ZNF385B: variants seen among roughly 807,000 people sequenced by gnomAD.
The protein encoded by ZNF385B is zinc finger protein 533.
ZNF385B carries 23 observed loss-of-function variants against 39.2 expected under a neutral mutation model. The observed-to-expected ratio is 0.59, with a 90% CI of 0.42 to 0.83. The LOEUF is 0.83. Ranked by LOEUF, ZNF385B falls within the 40% of genes least tolerant of loss-of-function variation. The pLI, the probability that ZNF385B is intolerant of heterozygous loss-of-function variation, is 0.00. For missense variants in ZNF385B, 552 were observed against 598.9 expected (o/e 0.92, Z 0.82); for synonymous variants, 205 against 222.6 (o/e 0.92, Z 0.70).
chr2:179,754,892 T>G (rs1575427243), intron 3 of ZNF385B, among the ~76,000 whole-genome samples: 2 of 152,186 alleles, frequency 1.3e-5, no homozygotes, highest in African/African-American at 4.8e-5. Flanking sequence ...GCTCTTGGAT[T>G]CATTGGTTTT....
intron 5 of ZNF385B, among the ~76,000 whole-genome samples, chr2:179,495,769 G>A (rs774987987): frequency 6.6e-6 from 1 of 152,174 alleles, no homozygotes; most frequent in South Asian, 2.1e-4. Context: ...GTACCTCTAT[G>A]AGTCTGCAAG....
At chr2:179,460,128 A>AG (rs2051161062) in intron 6 of ZNF385B, among the ~76,000 whole-genome samples, 1 of 152,062 alleles carries the variant, frequency 6.6e-6, no homozygotes, top group African/African-American at 2.4e-5. Context: ...AGAAAAGAAA[A>AG]AAAAATATAT....
At chr2:179,500,400 T>C (rs1417428384) in intron 5 of ZNF385B, among the ~76,000 whole-genome samples, 1 of 151,950 alleles carries the variant, frequency 6.6e-6, no homozygotes. Context: ...CAAGCAGATA[T>C]ATAGACTAAT....
At chr2:179,643,711 T>C (rs972865362) in intron 3 of ZNF385B, among the ~76,000 whole-genome samples, 4 of 152,092 alleles carry the variant, frequency 2.6e-5, no homozygotes, top group African/African-American at 7.2e-5. Context: ...GGGTGAGGGA[T>C]GGAGAGACAG....
chr2:179,657,356 A>G (rs1693901159), intron 3 of ZNF385B, among the ~76,000 whole-genome samples: 1 of 152,244 alleles, frequency 6.6e-6, no homozygotes, highest in African/African-American at 2.4e-5. Context: ...CCCAACTGCT[A>G]TGTGGCCAAG....
chr2:179,555,539 A>C (rs1055377654), intron 3 of ZNF385B, among the ~76,000 whole-genome samples: 1 of 149,714 alleles, frequency 6.7e-6, no homozygotes, highest in African/African-American at 2.5e-5. Flanking sequence ...ATTCTAATAA[A>C]ATGTTTTGAC....
chr2:179,625,484 TTAA>T lies in ZNF385B; in HGVS notation c.299-80518_299-80516del, dbSNP rs138777674. On this transcript the variant is annotated intron_variant, in intron 3 of 9. Transcript: ENST00000410066. Reference sequence around the variant, plus strand: ...CATTATTTTCTTATTTATTCATGCCTTAATAAGCGGCTACAATCCTTTTATATG... The same window carrying T: ...CATTATTTTCTTATTTATTCATGCCTTAAGCGGCTACAATCCTTTTATATG... 1.2e-4 allele frequency among the ~76,000 whole-genome samples: 19 copies of T among 152,152 alleles called. No homozygotes were observed. In the East Asian group the frequency reaches 3.3e-3, roughly 26 times the overall value.
chr2:179,497,982 G>C (rs76803158), intron 5 of ZNF385B, among the ~76,000 whole-genome samples: 11,155 of 152,132 alleles, frequency 0.073, 576 homozygotes, highest in Admixed American at 0.13. Context: ...TCACTATATA[G>C]TGATAAAGGG....
intron 3 of ZNF385B, among the ~76,000 whole-genome samples, chr2:179,631,733 T>C (rs910805486): frequency 3.3e-5 from 5 of 152,020 alleles, no homozygotes; most frequent in Non-Finnish European, 1.5e-5. Context: ...GCAAATTGGA[T>C]AAAGAGTCAA....
intron 3 of ZNF385B, among the ~76,000 whole-genome samples, chr2:179,725,426 C>T (rs188753072): frequency 7.2e-5 from 11 of 151,750 alleles, no homozygotes; most frequent in Admixed American, 2.0e-4. Context: ...AAAACACATA[C>T]GTGCATGTAT....
rs1398290763 is a variant in ZNF385B at position 179,713,332 on chromosome 2, C to T, written c.298+56171G>A. ...TCCTACATCATTTCTGACTCCTGTTCCTCTCTCTCGGCTCCAGCCACGATG... is the reference window on the plus strand; with the variant it reads ...TCCTACATCATTTCTGACTCCTGTTTCTCTCTCTCGGCTCCAGCCACGATG... On this transcript the variant is annotated intron_variant, in intron 3 of 9. Transcript: ENST00000410066. 2.6e-5 allele frequency among the ~76,000 whole-genome samples: 4 copies of T among 152,266 alleles called. No homozygotes were observed. The East Asian group carries it at 7.7e-4, about 29-fold the overall frequency.
At chr2:179,844,104 G>A (rs959676175) in intron 1 of ZNF385B, among the ~76,000 whole-genome samples, 8 of 152,196 alleles carry the variant, frequency 5.3e-5, no homozygotes, top group Non-Finnish European at 1.2e-4. Context: ...GAGATGATTC[G>A]TGATCCAAGT....
intron 1 of ZNF385B, among the ~76,000 whole-genome samples, chr2:179,781,343 C>G (rs148437871): frequency 6.6e-6 from 1 of 151,898 alleles, no homozygotes; most frequent in Non-Finnish European, 1.5e-5. Flanking sequence ...ACACACACAC[C>G]GACATACATA....
intron 5 of ZNF385B, among the ~76,000 whole-genome samples, chr2:179,515,822 T>C (rs886868743): frequency 2.6e-5 from 4 of 152,164 alleles, no homozygotes; most frequent in Admixed American, 2.6e-4. Flanking sequence ...TTCAGCTTAA[T>C]GAATTTTGAA....
intron 1 of ZNF385B, among the ~76,000 whole-genome samples, chr2:179,830,496 A>T (rs1559232845): frequency 1.3e-5 from 2 of 152,216 alleles, no homozygotes; most frequent in Non-Finnish European, 2.9e-5. Flanking sequence ...CAAAAGGTGA[A>T]CAGATAACAT....
intron 3 of ZNF385B, among the ~76,000 whole-genome samples, chr2:179,760,072 G>T (rs1188070679): frequency 6.9e-6 from 1 of 144,022 alleles, no homozygotes; most frequent in Admixed American, 7.1e-5. Context: ...TTTTTGAGAC[G>T]GAGTCTCACT....
At chr2:179,621,155 A>T (rs1168776673) in intron 3 of ZNF385B, among the ~76,000 whole-genome samples, 1 of 152,158 alleles carries the variant, frequency 6.6e-6, no homozygotes, top group Non-Finnish European at 1.5e-5. Flanking sequence ...GGGGTAGAAA[A>T]AAAGGGGAGG....
At chr2:179,625,896 A>G (rs1034589466) in intron 3 of ZNF385B, among the ~76,000 whole-genome samples, 1 of 152,076 alleles carries the variant, frequency 6.6e-6, no homozygotes, top group South Asian at 2.1e-4. Context: ...TAAAGAGTGC[A>G]ACTCCCCTCT....
At chr2:179,839,796 C>T (rs888944792) in intron 1 of ZNF385B, among the ~76,000 whole-genome samples, 2 of 152,122 alleles carry the variant, frequency 1.3e-5, no homozygotes, top group African/African-American at 4.8e-5. Flanking sequence ...ATGGTAGTTA[C>T]TCAAACCTGG....
Sources: allele counts gnomAD v4.1 joint callset (sites outside exome capture counted in the v4.1 genomes callset), GRCh38; gene constraint gnomAD v4.1.1; transcripts MANE v1.5; gene names NCBI Gene and HGNC (gene_info 2026-07-23, HGNC 2026-07-21).